The following RANBP3 variants were observed in gnomAD, a reference collection of about 807,000 sequenced individuals.
The protein encoded by RANBP3 is RAN binding protein 3.
In RANBP3, 14 loss-of-function variants were observed where a neutral mutation model predicts 77.3. That is an observed-to-expected ratio of 0.18 (90% CI 0.12 to 0.28). The LOEUF (loss-of-function observed/expected upper bound fraction) is 0.28. Among genes scored for constraint, RANBP3 ranks in the 10% least tolerant of loss-of-function variants. The pLI is 1.00. For missense variants in RANBP3, 586 were observed against 752.3 expected (o/e 0.78, Z 2.59); for synonymous variants, 315 against 312.4 (o/e 1.01, Z -0.09).
At chr19:5,964,827 G>A (rs912729271) in intron 1 of RANBP3, among the ~76,000 whole-genome samples, 4 of 131,914 alleles carry the variant, frequency 3.0e-5, no homozygotes, top group Non-Finnish European at 6.4e-5. Flanking sequence ...CCTGGGGGAA[G>A]AGGAGCTAAG....
chr19:5,929,721 C>T (rs1419922376), intron 8 of RANBP3, among the ~76,000 whole-genome samples: 1 of 152,186 alleles, frequency 6.6e-6, no homozygotes, highest in Non-Finnish European at 1.5e-5. Flanking sequence ...CAGTGTGTGC[C>T]ATGTTCATGG....
At chr19:5,968,330 C>A (rs7254500) in intron 1 of RANBP3, among the ~76,000 whole-genome samples, 1 of 152,146 alleles carries the variant, frequency 6.6e-6, no homozygotes, top group South Asian at 2.1e-4. Flanking sequence ...CACTTACTTG[C>A]GGTTGGGATC....
intron 1 of RANBP3, among the ~76,000 whole-genome samples, chr19:5,969,842 G>A (rs1016312728): frequency 2.6e-5 from 4 of 152,260 alleles, no homozygotes; most frequent in Admixed American, 6.5e-5. Context: ...TCAAGGAAAA[G>A]ACTGTTCTTC....
Position 5,932,563 on chromosome 19 carries a change from C to T in RANBP3, c.473-19G>A, listed in dbSNP as rs543931069. ...GGCAGACCTAGGAACAGAAGGCGGC[C>T]TTCCCAGTGCCCGTGGACCCCTGCC... On this transcript the variant is annotated intron_variant, in intron 6 of 16. Coordinates refer to ENST00000340578, the MANE Select transcript of RANBP3 (RefSeq NM_007322.3). The T allele has an allele frequency of 1.2e-6, 2 of 1,608,604 alleles. No individual in the cohort carries two copies. The highest frequency in any genetic ancestry group is 1.3e-5 in the African/African-American group (1 of 74,976).
chr19:5,942,194 C>G (rs916420482), intron 3 of RANBP3, among the ~76,000 whole-genome samples: 5 of 152,186 alleles, frequency 3.3e-5, no homozygotes, highest in Admixed American at 3.3e-4. Context: ...TGAAAAGCGA[C>G]CCTCTCCACC....
intron 9 of RANBP3, 144 bp from the exon 10 acceptor site, chr19:5,925,881 G>GC: frequency 1.5e-6 from 1 of 659,632 alleles, no homozygotes. Context: ...GTGTGCGCGT[G>GC]CATGTGCTGG....
chr19:5,939,234 G>GA (rs1321166066), intron 5 of RANBP3, among the ~76,000 whole-genome samples: 1 of 152,116 alleles, frequency 6.6e-6, no homozygotes, highest in African/African-American at 2.4e-5. Context: ...ATAAAATTTT[G>GA]AAAAATGAGT....
intron 9 of RANBP3, 45 bp from the exon 10 acceptor site, chr19:5,925,782 C>T: frequency 6.6e-7 from 1 of 1,516,764 alleles, no homozygotes. Context: ...TGGGGGGGTG[C>T]CTGGAGTTCC....
chr19:5,917,858 T>C lies in RANBP3; in HGVS notation c.1596A>G (p.Pro532=), dbSNP rs1311386195. Residue 532 remains proline (P), a synonymous_variant, in exon 16 of 17, where the codon CCA becomes CCG. Transcript: ENST00000340578. ...CGTCGCTGTCGTCCTCCTCGTTGGA[T>C]GGGGCTGCCCCAGGCTCAGGCGCGG... ...KMPAPEPGAA[P]SNEEDDSDDD... is the part of the protein sequence containing the mutation. The C allele has an allele frequency of 6.2e-7, 1 of 1,612,896 alleles. No homozygotes were observed. Among genetic ancestry groups the C allele is most frequent in the South Asian group, 1.1e-5 (1 of 91,074 alleles).
intron 8 of RANBP3, among the ~76,000 whole-genome samples, chr19:5,930,005 T>A (rs2057967480): frequency 6.6e-6 from 1 of 152,062 alleles, no homozygotes. Context: ...ACGGACTCCG[T>A]CCCCTGGGAT....
chr19:5,918,386 A>ACGGGGGGGGG, intron 15 of RANBP3, 110 bp downstream of exon 15: 1 of 617,696 alleles, frequency 1.6e-6, no homozygotes, highest in Non-Finnish European at 2.5e-6. Context: ...GAAGCAACTG[A>ACGGGGGGGGG]AGCCCCTCCC....
At chr19:5,964,706 C>T (rs970379049) in intron 1 of RANBP3, among the ~76,000 whole-genome samples, 1 of 152,040 alleles carries the variant, frequency 6.6e-6, no homozygotes, top group Admixed American at 6.5e-5. Flanking sequence ...AAGCACACGG[C>T]AGCAGAGTGA....
intron 10 of RANBP3, 123 bp from the exon 11 acceptor site, chr19:5,925,028 C>A: frequency 1.2e-6 from 1 of 861,148 alleles, no homozygotes; most frequent in Non-Finnish European, 2.0e-6. Context: ...CGCCACTGTG[C>A]ACGGGGTGGC....
chr19:5,925,585 G>A (rs2057894552), intron 10 of RANBP3, 49 bp downstream of exon 10: 1 of 1,548,264 alleles, frequency 6.5e-7, no homozygotes, highest in Non-Finnish European at 8.9e-7. Context: ...AGCCCTCGCG[G>A]CCACCTGCAT....
chr19:5,926,530 G>A (rs550336034), intron 9 of RANBP3, among the ~76,000 whole-genome samples: 37 of 152,204 alleles, frequency 2.4e-4, no homozygotes, highest in African/African-American at 8.2e-4. Flanking sequence ...CAGCCTGGGC[G>A]ACACAGCAAG....
At position 5,937,056 on chromosome 19, in the gene RANBP3, CAAAAAAAAAAAAA is replaced by C. The variant is rs71172783; in HGVS notation, c.407-3590_407-3578del. ...GGGCAACAGAGCAAGACTCTGTCTCCAAAAAAAAAAAAAAAAAAAAAAAAAAAAGGAAGAAAAT... is the reference window on the plus strand; with the variant it reads ...GGGCAACAGAGCAAGACTCTGTCTCCAAAAAAAAAAAAAAAGGAAGAAAAT... On this transcript the variant is annotated intron_variant, in intron 5 of 16. Coordinates refer to ENST00000340578, the MANE Select transcript of RANBP3 (RefSeq NM_007322.3). Among the ~76,000 whole-genome samples the C allele has an allele frequency of 1.1e-3, 41 of 37,180 alleles. 1 individual carries two copies. Among genetic ancestry groups the C allele is most frequent in the Middle Eastern group, 0.091 (2 of 22 alleles). 24.4% of individuals were successfully genotyped at this position (37,180 alleles called of 152,430 possible).
At chr19:5,964,868 A>AGGGG (rs2058447688) in intron 1 of RANBP3, among the ~76,000 whole-genome samples, 2 of 35,478 alleles carry the variant, frequency 5.6e-5, no homozygotes, top group Non-Finnish European at 1.4e-4. Context: ...GGGGGGTGGC[A>AGGGG]CGGTGGGGGG....
chr19:5,974,919 GC>G (rs2058572489), intron 1 of RANBP3, among the ~76,000 whole-genome samples: 1 of 152,212 alleles, frequency 6.6e-6, no homozygotes, highest in Non-Finnish European at 1.5e-5. Flanking sequence ...GGTGGGACTG[GC>G]CCAGAGAAGA....
intron 8 of RANBP3, 84 bp from the exon 9 acceptor site, chr19:5,928,171 T>C: frequency 6.6e-7 from 1 of 1,506,026 alleles, no homozygotes; most frequent in Non-Finnish European, 8.9e-7. Context: ...CCACACCAGA[T>C]CATGTACTCC....
Sources: allele counts gnomAD v4.1 joint callset (sites outside exome capture counted in the v4.1 genomes callset), GRCh38; gene constraint gnomAD v4.1.1; transcripts MANE v1.5; gene names NCBI Gene and HGNC (gene_info 2026-07-23, HGNC 2026-07-21).